VPS13C: variants seen among roughly 807,000 people sequenced by gnomAD.
The protein encoded by VPS13C is vacuolar protein sorting 13 homolog C, also known as intermembrane lipid transfer protein VPS13C.
Under a neutral mutation model 456.8 loss-of-function variants are expected in VPS13C, and 358 were observed. The observed-to-expected ratio is 0.78, with a 90% CI of 0.72 to 0.86. The LOEUF is 0.86. Among genes scored for constraint, VPS13C ranks in the 40% least tolerant of loss-of-function variants. The probability of loss-of-function intolerance (pLI) is 0.00; values close to 1 mark genes in which losing one functional copy is unlikely to be tolerated. For missense variants in VPS13C, 4,818 were observed against 4,385.4 expected (o/e 1.10, Z -2.79); for synonymous variants, 1,578 against 1,486.7 (o/e 1.06, Z -1.41).
At chr15:61,897,715 A>G (rs1251951371) in intron 66 of VPS13C, among the ~76,000 whole-genome samples, 1 of 152,190 alleles carries the variant, frequency 6.6e-6, no homozygotes, top group Non-Finnish European at 1.5e-5. Context: ...CAATCTAGTA[A>G]GACAGGCCAA....
intron 70 of VPS13C, 46 bp from the exon 71 acceptor site, chr15:61,881,678 A>T (rs759831025): frequency 6.2e-7 from 1 of 1,601,906 alleles, no homozygotes; most frequent in African/African-American, 1.3e-5. Flanking sequence ...GCTTTATACT[A>T]GGTTAAACTA....
At chr15:62,039,387 T>C (rs1264511274) in intron 3 of VPS13C, among the ~76,000 whole-genome samples, 2 of 151,750 alleles carry the variant, frequency 1.3e-5, no homozygotes, top group Non-Finnish European at 2.9e-5. Context: ...AAACAATGGG[T>C]ACAAATAGAC....
intron 43 of VPS13C, 57 bp from the exon 44 acceptor site, chr15:61,946,467 G>T: frequency 7.8e-7 from 1 of 1,285,164 alleles, no homozygotes; most frequent in East Asian, 2.4e-5. Flanking sequence ...CTAAGCCAGT[G>T]GTATTTAAGT....
chr15:62,054,735 T>TAA (rs1172207729), intron 1 of VPS13C, among the ~76,000 whole-genome samples: 260 of 131,016 alleles, frequency 2.0e-3, no homozygotes, highest in African/African-American at 7.1e-3. Context: ...AAAGTAGAAG[T>TAA]AAAAAAAAAA....
chr15:61,866,515 T>C (rs1894603451), intron 81 of VPS13C: 1 of 985,050 alleles, frequency 1.0e-6, no homozygotes, highest in Non-Finnish European at 1.2e-6. Flanking sequence ...TTAAAAATTG[T>C]TACTTTAGAA....
chr15:62,028,252 A>T, intron 6 of VPS13C, 106 bp downstream of exon 6: 2 of 1,232,734 alleles, frequency 1.6e-6, no homozygotes, highest in Non-Finnish European at 2.3e-6. Context: ...TTGCATTTCC[A>T]TATTTTCTAA....
At chr15:62,029,280 T>A (rs1024402073) in intron 5 of VPS13C, among the ~76,000 whole-genome samples, 1 of 152,108 alleles carries the variant, frequency 6.6e-6, no homozygotes, top group Non-Finnish European at 1.5e-5. Flanking sequence ...GAATAGTAAA[T>A]CCTCAATAAA....
At chr15:62,007,524 A>G (rs2046894361) in intron 14 of VPS13C, 45 bp from the exon 15 acceptor site, 1 of 1,454,314 alleles carries the variant, frequency 6.9e-7, no homozygotes, top group Non-Finnish European at 9.1e-7. Context: ...ATAAAGGTTT[A>G]AGAGAAAACA....
chr15:61,969,811 A>C (rs1486530545), intron 27 of VPS13C, among the ~76,000 whole-genome samples: 1 of 152,202 alleles, frequency 6.6e-6, no homozygotes. Flanking sequence ...GTAGAAAGTA[A>C]GACAAGATGT....
intron 14 of VPS13C, 93 bp from the exon 15 acceptor site, chr15:62,007,572 T>C: frequency 8.8e-7 from 1 of 1,140,808 alleles, no homozygotes; most frequent in Non-Finnish European, 1.2e-6. Context: ...TGCTGTCAAA[T>C]TTTTTGTTCT....
At chr15:62,055,962 A>G (rs1406213191) in intron 1 of VPS13C, among the ~76,000 whole-genome samples, 2 of 152,186 alleles carry the variant, frequency 1.3e-5, no homozygotes, top group Non-Finnish European at 2.9e-5. Context: ...TCTATCTGCT[A>G]CATGCCAATA....
intron 18 of VPS13C, 69 bp downstream of exon 18, chr15:61,990,931 A>G: frequency 9.9e-7 from 1 of 1,014,430 alleles, no homozygotes; most frequent in South Asian, 1.4e-5. Flanking sequence ...AAAAATCAGT[A>G]AGTCTAATCC....
rs2048960895 is a variant in VPS13C at position 62,060,309 on chromosome 15, C to T, written c.66G>A (p.Leu22=). The change falls in exon 1 of 85, where the codon CTG becomes CTA. Residue 22 remains leucine, a synonymous_variant. Transcript: ENST00000644861. ...TGCCCAGCTTCAGCTGGGACTTGTT[C>T]AGGTTCTCCACATAGTCCCCCAGGA... ...NRFLGDYVEN[L]NKSQLKLGIW... is the part of the protein sequence containing the mutation. 1 of 1,607,814 alleles carries T rather than the reference C, an allele frequency of 6.2e-7. No individual in the cohort carries two copies. The highest frequency in any genetic ancestry group is 1.3e-5 in the African/African-American group (1 of 74,106).
At chr15:61,922,992 T>C (rs951815431) in intron 53 of VPS13C, among the ~76,000 whole-genome samples, 2 of 152,186 alleles carry the variant, frequency 1.3e-5, no homozygotes, top group Non-Finnish European at 2.9e-5. Flanking sequence ...CACTGACTTC[T>C]ACTCAGGTTA....
At position 62,037,794 on chromosome 15, in the gene VPS13C, A is replaced by G. The variant is rs530467899; in HGVS notation, c.188-2742T>C. Among the ~76,000 whole-genome samples the G allele has an allele frequency of 7.9e-5, 12 of 152,206 alleles. No homozygotes were observed. The East Asian group carries it at 2.3e-3, about 29-fold the overall frequency. ...CACAATACTTCTAGAGCACTGCTAC[A>G]CATAACCACCACATTCAGCCCTATC... On this transcript the variant is annotated intron_variant, in intron 3 of 84. Coordinates refer to ENST00000644861, the MANE Select transcript of VPS13C (RefSeq NM_020821.3).
At chr15:61,884,498 C>A (rs993015370) in intron 67 of VPS13C, among the ~76,000 whole-genome samples, 4 of 151,970 alleles carry the variant, frequency 2.6e-5, no homozygotes, top group Admixed American at 2.6e-4. Context: ...AAGGGACTGG[C>A]AAACTTTTTC....
chr15:62,012,075 A>G, intron 12 of VPS13C, 32 bp downstream of exon 12: 2 of 1,266,926 alleles, frequency 1.6e-6, no homozygotes, highest in East Asian at 2.4e-5. Context: ...GTTTCTTCCT[A>G]TAACATGAAA....
Position 61,954,467 on chromosome 15 carries a change from C to T in VPS13C, c.4253G>A (p.Arg1418Lys). The T allele has an allele frequency of 1.2e-6, 2 of 1,609,004 alleles. No homozygotes were observed. Among genetic ancestry groups the T allele is most frequent in the South Asian group, 2.2e-5 (2 of 89,412 alleles). Residue 1418 changes from arginine to lysine, a missense_variant, in exon 38 of 85, where the codon AGG becomes AAG. By Grantham distance (26) the Arg-to-Lys change is conservative. Around this residue, in one of 3 missense-constraint regions of VPS13C, gnomAD observed 4,552 missense variants for 4,130.6 expected, o/e 1.10. Transcript: ENST00000644861. ...NTLTTGVEEIRSVDIINMLLN... is the reference protein window; with the variant it reads ...NTLTTGVEEIKSVDIINMLLN... ...CAGCATATTAATGATGTCTACAGAC[C>T]TAATTTCTTCCACTCCAGTTGTTAA...
At position 61,961,549 on chromosome 15, in the gene VPS13C, GAATAT is replaced by G. The variant is rs3841548; in HGVS notation, c.3908+35_3908+39del. On this transcript the variant is annotated intron_variant, in intron 35 of 84. Transcript: ENST00000644861. ...AGTCATAAAATTTCATGGAAATCAT[GAATAT>G]AATATTTAAATCCATAATTATTGAA... is the stretch of plus-strand genomic sequence containing the variant. 103,343 of 1,492,372 alleles carry G rather than the reference GAATAT, an allele frequency of 0.069. 4,117 individuals are homozygous for G. Among genetic ancestry groups the G allele is most frequent in the Middle Eastern group, 0.081 (379 of 4,698 alleles). 92.4% of individuals were successfully genotyped at this position (1,492,372 alleles called of 1,614,324 possible). A position where few individuals can be genotyped will look rare whatever the true frequency, so the allele number is the denominator to read the frequency against.
Sources: gnomAD v4.1 joint callset for allele counts (sites outside exome capture counted in the v4.1 genomes callset) on GRCh38, gnomAD v4.1.1 for gene constraint, gnomAD v4.1.1 regional missense constraint, MANE v1.5 for transcripts, NCBI Gene and HGNC (gene_info 2026-07-23, HGNC 2026-07-21) for gene names.